Variants in GPM6A observed in about 807,000 individuals in gnomAD.
GPM6A encodes the protein neuronal membrane glycoprotein M6-a.
In GPM6A, 7 loss-of-function variants were observed where a neutral mutation model predicts 32.1. The ratio of observed to expected loss-of-function variants is 0.22; its 90% CI spans 0.12 to 0.41. GPM6A has a LOEUF of 0.41. GPM6A is among the 10% of genes least tolerant of loss of function. The pLI is 1.00. For synonymous variants in GPM6A, 130 were observed against 123.4 expected (o/e 1.05, Z -0.35); for missense variants, 235 against 347.2 (o/e 0.68, Z 2.57).
chr4:175,755,397 A>G (rs1476402791), intron 1 of GPM6A, among the ~76,000 whole-genome samples: 1 of 152,178 alleles, frequency 6.6e-6, no homozygotes, highest in Non-Finnish European at 1.5e-5. Flanking sequence ...AGAAAGACTA[A>G]ACATAAAATT....
At chr4:175,650,534 A>G (rs1213950970) in intron 4 of GPM6A, among the ~76,000 whole-genome samples, 1 of 151,986 alleles carries the variant, frequency 6.6e-6, no homozygotes, top group Non-Finnish European at 1.5e-5. Flanking sequence ...CGAACTCCTG[A>G]CCTTAGGTGA....
intron 1 of GPM6A, among the ~76,000 whole-genome samples, chr4:175,718,362 T>G (rs973400860): frequency 2.0e-5 from 3 of 152,162 alleles, no homozygotes; most frequent in African/African-American, 7.2e-5. Context: ...ACACCTGTAA[T>G]CCCAGCACTT....
chr4:175,787,330 C>T (rs1043115941), intron 1 of GPM6A: 1 of 1,523,060 alleles, frequency 6.6e-7, no homozygotes, highest in African/African-American at 1.4e-5. Flanking sequence ...TCACCCTTGA[C>T]CTTACCTTCC....
intron 3 of GPM6A, among the ~76,000 whole-genome samples, chr4:175,666,134 G>T (rs1742740587): frequency 6.6e-6 from 1 of 151,926 alleles, no homozygotes. Context: ...TGGCCAGGCT[G>T]GTCTCGATCT....
At chr4:175,783,233 A>G (rs1364441676) in intron 1 of GPM6A, among the ~76,000 whole-genome samples, 1 of 152,000 alleles carries the variant, frequency 6.6e-6, no homozygotes, top group Non-Finnish European at 1.5e-5. Flanking sequence ...ATTTTCATCT[A>G]CATAAGAAAC....
At chr4:175,727,631 T>A (rs1303160302) in intron 1 of GPM6A, among the ~76,000 whole-genome samples, 2 of 152,212 alleles carry the variant, frequency 1.3e-5, no homozygotes, top group Non-Finnish European at 2.9e-5. Context: ...ATTAGAAAAC[T>A]CATCACCTAA....
intron 1 of GPM6A, among the ~76,000 whole-genome samples, chr4:175,919,960 A>G (rs942472747): frequency 2.0e-5 from 3 of 152,222 alleles, no homozygotes; most frequent in Non-Finnish European, 2.9e-5. Context: ...ACTTCCATCA[A>G]GGACGTTGTG....
intron 1 of GPM6A, among the ~76,000 whole-genome samples, chr4:175,950,454 G>T (rs943433981): frequency 6.6e-6 from 1 of 152,136 alleles, no homozygotes; most frequent in Non-Finnish European, 1.5e-5. Flanking sequence ...TAATACTTGT[G>T]AATTATTTCC....
intron 4 of GPM6A, among the ~76,000 whole-genome samples, chr4:175,650,230 A>G (rs1214744390): frequency 2.6e-5 from 4 of 152,116 alleles, no homozygotes; most frequent in Non-Finnish European, 5.9e-5. Flanking sequence ...AATAAAACAA[A>G]GAGGACTGCT....
At chr4:175,725,287 G>A in intron 1 of GPM6A, among the ~76,000 whole-genome samples, 1 of 111,900 alleles carries the variant, frequency 8.9e-6, no homozygotes, top group East Asian at 2.6e-4. Context: ...ATTATGTTTT[G>A]GGTTTTTGTT....
At chr4:175,992,487 A>G (rs1335730338) in intron 1 of GPM6A, among the ~76,000 whole-genome samples, 1 of 152,156 alleles carries the variant, frequency 6.6e-6, no homozygotes, top group Non-Finnish European at 1.5e-5. Context: ...CATCTTCATA[A>G]TTTGGTGAGG....
intron 1 of GPM6A, among the ~76,000 whole-genome samples, chr4:175,822,505 C>T (rs1203330729): frequency 6.6e-6 from 1 of 152,054 alleles, no homozygotes; most frequent in Non-Finnish European, 1.5e-5. Flanking sequence ...AAGTATATAA[C>T]AACAGTATAA....
chr4:175,785,833 G>C (rs944343771), intron 1 of GPM6A, among the ~76,000 whole-genome samples: 3 of 152,078 alleles, frequency 2.0e-5, no homozygotes. Flanking sequence ...TACAGAACAC[G>C]TGCCACAAGC....
At chr4:175,951,463 C>A (rs1045007516) in intron 1 of GPM6A, among the ~76,000 whole-genome samples, 1 of 152,048 alleles carries the variant, frequency 6.6e-6, no homozygotes. Flanking sequence ...CCTATAAGTC[C>A]GAAATTTCTG....
chr4:175,737,941 T>C (rs1348001571), intron 1 of GPM6A, among the ~76,000 whole-genome samples: 1 of 150,268 alleles, frequency 6.7e-6, no homozygotes, highest in Non-Finnish European at 1.5e-5. Context: ...TAGGTCCCTT[T>C]TTTTTTTTTT....
intron 1 of GPM6A, among the ~76,000 whole-genome samples, chr4:175,760,611 A>G (rs1732702043): frequency 6.6e-6 from 1 of 152,226 alleles, no homozygotes; most frequent in Admixed American, 6.5e-5. Context: ...AATGATGATT[A>G]TAAATTACAT....
At chr4:175,996,577 T>C (rs1026071504) in intron 1 of GPM6A, among the ~76,000 whole-genome samples, 7 of 152,170 alleles carry the variant, frequency 4.6e-5, no homozygotes, top group Non-Finnish European at 1.0e-4. Context: ...TAAGGAAGAT[T>C]AGCTGATTTT....
chr4:175,845,629 C>CTT (rs1258155648), intron 1 of GPM6A, among the ~76,000 whole-genome samples: 2 of 152,050 alleles, frequency 1.3e-5, no homozygotes, highest in Non-Finnish European at 2.9e-5. Context: ...TCAGATTTAT[C>CTT]TTTCCCCTTT....
At chr4:175,957,091 T>G (rs1053666601) in intron 1 of GPM6A, among the ~76,000 whole-genome samples, 3 of 152,196 alleles carry the variant, frequency 2.0e-5, no homozygotes, top group Admixed American at 6.5e-5. Context: ...AAAAACACCC[T>G]TAGTTTTTCG....
Sources: allele counts gnomAD v4.1 joint callset (sites outside exome capture counted in the v4.1 genomes callset), GRCh38; gene constraint gnomAD v4.1.1; transcripts MANE v1.5; gene names NCBI Gene and HGNC (gene_info 2026-07-23, HGNC 2026-07-21).